Variants in TNRC6C observed in about 807,000 individuals in gnomAD.
The protein encoded by TNRC6C is trinucleotide repeat containing adaptor 6C.
Under a neutral mutation model 153.7 loss-of-function variants are expected in TNRC6C, and 20 were observed. The observed-to-expected ratio is 0.13, with a 90% CI of 0.09 to 0.19. The LOEUF (loss-of-function observed/expected upper bound fraction) is 0.19. Ranked by LOEUF, TNRC6C falls within the 10% of genes least tolerant of loss-of-function variation. The probability of loss-of-function intolerance (pLI) is 1.00; values close to 1 mark genes in which losing one functional copy is unlikely to be tolerated. For synonymous variants in TNRC6C, 811 were observed against 841.4 expected (o/e 0.96, Z 0.63); for missense variants, 1,987 against 2,172.0 (o/e 0.91, Z 1.69).
chr17:78,008,022 TC>T (rs1357537474), intron 1 of TNRC6C, among the ~76,000 whole-genome samples: 2 of 152,326 alleles, frequency 1.3e-5, no homozygotes, highest in East Asian at 1.9e-4. Context: ...TCTATGATAC[TC>T]CTCTACCTTC....
At chr17:78,070,103 A>C (rs1429790263) in intron 5 of TNRC6C, among the ~76,000 whole-genome samples, 12 of 152,242 alleles carry the variant, frequency 7.9e-5, no homozygotes, top group Admixed American at 7.9e-4. Context: ...CCAGAAACTA[A>C]AATCAGAGCT....
At chr17:77,958,528 CG>C (rs2070830344), upstream of TNRC6C, among the ~76,000 whole-genome samples, 1 of 151,950 alleles carries the variant, frequency 6.6e-6, no homozygotes, top group Non-Finnish European at 1.5e-5. Flanking sequence ...GAGGGGCGCG[CG>C]GGGGAGGAGC....
In TNRC6C at chr17:78,048,832, T is replaced by G; in HGVS notation, c.-218-13T>G. The G allele has an allele frequency of 2.4e-6, 3 of 1,233,190 alleles. No individual in the cohort carries two copies. The highest frequency in any genetic ancestry group is 3.0e-6 in the Non-Finnish European group (3 of 988,836). The allele number at this position is 1,233,190 out of a possible 1,614,324, so 76.4% of individuals were successfully genotyped here. ...AGAAAATCTAATTTTGAATTTTGTT[T>G]CATCTTTTTCAGATCTCAGTCATAG... On this transcript the variant is annotated splice_polypyrimidine_tract_variant and intron_variant, in intron 2 of 19. Coordinates refer to ENST00000301624, the Ensembl canonical transcript of TNRC6C.
chr17:77,985,601 C>CAAAAAAAAAAAAAAA (rs1229331703), intron 1 of TNRC6C, among the ~76,000 whole-genome samples: 7 of 96,262 alleles, frequency 7.3e-5, no homozygotes, highest in African/African-American at 2.9e-4. Flanking sequence ...GACTCCGTCT[C>CAAAAAAAAAAAAAAA]AAAAAAAAAA....
upstream of TNRC6C, among the ~76,000 whole-genome samples, chr17:78,003,101 A>G (rs1194820908): frequency 6.6e-6 from 1 of 152,198 alleles, no homozygotes; most frequent in African/African-American, 2.4e-5. Flanking sequence ...AGCTAATACT[A>G]TAGATAAAGC....
rs575722410 is a variant in TNRC6C, at chr17:78,102,674, T to C, written c.4572+130T>C. ...CTTGGTCAGGGTCCATAAGTGACGC[T>C]GCATGGGAGGAGATGAGCAAGTGCC... is the stretch of plus-strand genomic sequence containing the variant. On this transcript the variant is annotated intron_variant, in intron 18 of 19. Transcript: ENST00000301624. 15 of 886,144 alleles carry C rather than the reference T, an allele frequency of 1.7e-5. No homozygotes were observed. The African/African-American group carries it at 2.6e-4, about 15-fold the overall frequency. 54.9% of individuals were successfully genotyped at this position (886,144 alleles called of 1,614,324 possible). A position where few individuals can be genotyped will look rare whatever the true frequency, so the allele number is the denominator to read the frequency against.
At chr17:77,960,651 C>G (rs1004920047) in intron 1 of TNRC6C, among the ~76,000 whole-genome samples, 1 of 152,118 alleles carries the variant, frequency 6.6e-6, no homozygotes, top group Non-Finnish European at 1.5e-5. Flanking sequence ...AATGATAAAA[C>G]TTAGCCCCAG....
At chr17:77,997,095 T>C (rs1057089520) in intron 1 of TNRC6C, among the ~76,000 whole-genome samples, 2 of 152,092 alleles carry the variant, frequency 1.3e-5, no homozygotes, top group Admixed American at 6.6e-5. Flanking sequence ...AGAAGCACCA[T>C]AAGATGCTGA....
rs1436041199 is a variant in TNRC6C at position 78,049,021 on chromosome 17, G to A, written c.-42G>A. ...TGAATCTGCCTCAGAATGTACTACA[G>A]ACACTGACTCTGCCTCCAACTGTGG... On this transcript the variant is annotated 5_prime_UTR_variant, in exon 3 of 20. Transcript: ENST00000301624. The surrounding 1 kb of genome is among the most constrained non-coding windows in gnomAD (Gnocchi z 4.1). The A allele has an allele frequency of 1.8e-5, 26 of 1,468,296 alleles. No homozygotes were observed. In the South Asian group the frequency reaches 3.6e-4, roughly 20 times the overall value. The allele number at this position is 1,468,296 out of a possible 1,614,324, so 91.0% of individuals were successfully genotyped here. A position where few individuals can be genotyped will look rare whatever the true frequency, so the allele number is the denominator to read the frequency against.
intron 1 of TNRC6C, chr17:78,008,662 G>A (rs953649684): frequency 6.6e-6 from 1 of 152,096 alleles, no homozygotes; most frequent in Admixed American, 6.6e-5. Context: ...AAACCTGGAG[G>A]CCTTTTCCTT....
intron 1 of TNRC6C, among the ~76,000 whole-genome samples, chr17:78,027,358 G>C (rs1000541879): frequency 6.6e-6 from 1 of 152,136 alleles, no homozygotes; most frequent in Non-Finnish European, 1.5e-5. Flanking sequence ...AAGTGATGAT[G>C]AGAAGGAGCT....
At chr17:78,105,209 T>TGGGG (rs2073670976) in exon 20 of TNRC6C, 1 of 189,032 alleles carries the variant, frequency 5.3e-6, no homozygotes, top group Non-Finnish European at 1.1e-5. Context: ...ATTTTATCTG[T>TGGGG]GGGGGAGGGA....
exon 2 of TNRC6C, chr17:78,031,744 C>T: frequency 1.6e-6 from 2 of 1,232,256 alleles, no homozygotes; most frequent in Non-Finnish European, 2.0e-6. Flanking sequence ...GGGACTCTAA[C>T]CAGTGTGAGC....
chr17:78,107,970 G>A (rs1332826802), exon 20 of TNRC6C: 2 of 152,220 alleles, frequency 1.3e-5, no homozygotes, highest in East Asian at 1.9e-4. Flanking sequence ...AACTTCAGAA[G>A]CACAACCAGC....
chr17:78,097,717 T>G, intron 16 of TNRC6C, 28 bp from the exon 19 acceptor site: 1 of 1,504,120 alleles, frequency 6.6e-7, no homozygotes, highest in South Asian at 1.2e-5. Flanking sequence ...CGCCACCACC[T>G]TGCTCAGTGC....
At chr17:78,000,615 T>TC (rs1410836302), upstream of TNRC6C, among the ~76,000 whole-genome samples, 389 of 13,490 alleles carry the variant, frequency 0.029, 16 homozygotes, top group Non-Finnish European at 0.042. Flanking sequence ...TCTTTCTCCC[T>TC]CCGCCCCCCC....
intron 1 of TNRC6C, among the ~76,000 whole-genome samples, chr17:77,980,798 C>T (rs2071064525): frequency 6.6e-6 from 1 of 152,068 alleles, no homozygotes; most frequent in African/African-American, 2.4e-5. Context: ...TTACGTTTAC[C>T]AGGTTATTAC....
At chr17:78,026,784 G>C (rs1020557145) in intron 1 of TNRC6C, among the ~76,000 whole-genome samples, 2 of 152,172 alleles carry the variant, frequency 1.3e-5, no homozygotes, top group African/African-American at 2.4e-5. Flanking sequence ...ATGGATTAGA[G>C]AGAGTCTCTT....
chr17:78,050,123 A>G (rs944758832), exon 3 of TNRC6C: 24 of 1,605,802 alleles, frequency 1.5e-5, no homozygotes, highest in Non-Finnish European at 2.0e-5. Context: ...TCCAACAGTG[A>G]CATCAATGGG....
Sources: allele counts gnomAD v4.1 joint callset (sites outside exome capture counted in the v4.1 genomes callset), GRCh38; gene constraint gnomAD v4.1.1; non-coding constraint Gnocchi (gnomAD v3.1); transcripts MANE v1.5; gene names NCBI Gene and HGNC (gene_info 2026-07-23, HGNC 2026-07-21).